The following RNASEH1 variants were observed in gnomAD, a reference collection of about 807,000 sequenced individuals.
RNASEH1 encodes ribonuclease H1.
Under a neutral mutation model 34.6 loss-of-function variants are expected in RNASEH1, and 27 were observed. The observed-to-expected ratio is 0.78, with a 90% CI of 0.58 to 1.08. The LOEUF is 1.08. RNASEH1 is among the 50% of genes least tolerant of loss of function. RNASEH1 has a pLI of 0.00. For missense variants in RNASEH1, 349 were observed against 373.6 expected (o/e 0.93, Z 0.54); for synonymous variants, 162 against 138.4 (o/e 1.17, Z -1.20).
Position 3,556,865 on chromosome 2 carries a change from G to C in RNASEH1, c.168C>G (p.Ala56=). 1 of 1,614,076 alleles carries C rather than the reference G, an allele frequency of 6.2e-7. No homozygotes were observed. Among genetic ancestry groups the C allele is most frequent in the Non-Finnish European group, 8.5e-7 (1 of 1,179,946 alleles). Residue 56 remains alanine (A), a synonymous_variant, in exon 2 of 8, where the codon GCC becomes GCG. Transcript: ENST00000315212. ...CCTCTGTGGCAAACTTCTTAAATCT[G>C]GCAGCAGGAAACCGGTCCACCTGTG... ...CRAQVDRFPA[A]RFKKFATEDE... is the part of the protein sequence containing the mutation.
chr2:3,548,184 G>T, intron 6 of RNASEH1, 129 bp from the exon 7 acceptor site: 1 of 1,139,894 alleles, frequency 8.8e-7, no homozygotes, highest in Non-Finnish European at 1.3e-6. Flanking sequence ...CACTTCCTTA[G>T]CTGGCCTTAG....
At chr2:3,557,992 A>C (rs1660703038) in intron 1 of RNASEH1, 141 bp downstream of exon 1, 3 of 1,488,224 alleles carry the variant, frequency 2.0e-6, no homozygotes, top group Non-Finnish European at 2.7e-6. Context: ...CAGGAAAACG[A>C]GGCGGTCCCC....
At position 3,545,699 on chromosome 2, in the gene RNASEH1, A is replaced by T; in HGVS notation, c.*86T>A. 1.2e-6 allele frequency: 1 copy of T among 863,136 alleles called. No homozygotes were observed. The highest frequency in any genetic ancestry group is 2.0e-6 in the Non-Finnish European group (1 of 497,322). The allele number at this position is 863,136 out of a possible 1,614,324, so 53.5% of individuals were successfully genotyped here. The stretch of plus-strand genomic sequence containing the variant: ...ATCTGCCCATCACTGCAATGGTCCT[A>T]CCTGCAGGCTATTTTCCACACCAGT... On this transcript the variant is annotated 3_prime_UTR_variant, in exon 8 of 8. Transcript: ENST00000315212.
chr2:3,557,291 G>C (rs1249122704), intron 1 of RNASEH1, among the ~76,000 whole-genome samples: 1 of 152,070 alleles, frequency 6.6e-6, no homozygotes, highest in African/African-American at 2.4e-5. Context: ...CAATTTTTGC[G>C]TGAAAAGGGC....
chr2:3,550,334 G>T, intron 4 of RNASEH1, 39 bp downstream of exon 4: 1 of 1,464,918 alleles, frequency 6.8e-7, no homozygotes, highest in South Asian at 1.1e-5. Flanking sequence ...CACAAGTTGT[G>T]GAACATGATT....
At chr2:3,546,878 T>C (rs1042713107) in intron 7 of RNASEH1, among the ~76,000 whole-genome samples, 3 of 152,138 alleles carry the variant, frequency 2.0e-5, no homozygotes, top group Non-Finnish European at 4.4e-5. Context: ...ATCCCAGCAC[T>C]TTGAGAGGCC....
chr2:3,551,601 A>AT (rs1293028549), intron 3 of RNASEH1, among the ~76,000 whole-genome samples: 1 of 152,240 alleles, frequency 6.6e-6, no homozygotes, highest in East Asian at 1.9e-4. Context: ...ACTGATTTAT[A>AT]TTTTTTAATG....
At chr2:3,547,809 TATG>T (rs1668901435) in intron 7 of RNASEH1, 119 bp downstream of exon 7, 14 of 973,538 alleles carry the variant, frequency 1.4e-5, no homozygotes, top group Middle Eastern at 3.3e-4. Flanking sequence ...TAATATACAT[TATG>T]ATATTAATAT....
Position 3,550,393 on chromosome 2 carries a change from G to T in RNASEH1, c.489C>A (p.Tyr163Ter), listed in dbSNP as rs1194958851. 1.2e-6 allele frequency: 2 copies of T among 1,613,900 alleles called. No individual in the cohort carries two copies. Among genetic ancestry groups the T allele is most frequent in the Non-Finnish European group, 8.5e-7 (1 of 1,179,826 alleles). Residue 163 changes from tyrosine (Y) to a stop codon, truncating the protein, a stop_gained, in exon 4 of 8, where the codon TAC (tyrosine) becomes TAA (stop). Transcript: ENST00000315212. LOFTEE classifies it high-confidence loss of function. ...RRRPRAGIGVYWGPGHPLNVG... is the reference protein window; with the variant it reads ...RRRPRAGIGV Reference sequence around the variant, plus strand: ...CTTACAAAGGATGGCCTGGCCCCCAGTAAACGCCGATTCCTGCTCGCGGCC... The same window carrying T: ...CTTACAAAGGATGGCCTGGCCCCCATTAAACGCCGATTCCTGCTCGCGGCC...
chr2:3,535,563 G>A, the RNASEH1 span, among the ~76,000 whole-genome samples: 1 of 152,174 alleles, frequency 6.6e-6, no homozygotes, highest in African/African-American at 2.4e-5. Context: ...AGCCCCTGAG[G>A]CAGGAGGTTC....
Position 3,542,536 on chromosome 2 carries a change from T to C in RNASEH1, c.*3249A>G, listed in dbSNP as rs539756926. 6.6e-5 allele frequency among the ~76,000 whole-genome samples: 10 copies of C among 152,338 alleles called. No homozygotes were observed. The highest frequency in any genetic ancestry group is 3.9e-4 in the East Asian group (2 of 5,186). ...ACTGTCCCCAAGATGACACTGACTA[T>C]AGACTGGTTATGAGACCTGAACACA... On this transcript the variant is annotated 3_prime_UTR_variant, in exon 8 of 8. Transcript: ENST00000315212.
intron 7 of RNASEH1, among the ~76,000 whole-genome samples, chr2:3,546,189 C>T (rs143593355): frequency 2.6e-5 from 4 of 152,242 alleles, no homozygotes; most frequent in East Asian, 1.9e-4. Context: ...GATGGGTGGA[C>T]GGATATGTAT....
the RNASEH1 span, among the ~76,000 whole-genome samples, chr2:3,532,646 A>C: frequency 6.6e-6 from 1 of 152,214 alleles, no homozygotes; most frequent in African/African-American, 2.4e-5. Context: ...TGTGTATCTA[A>C]GCATAGGAAA....
chr2:3,549,040 A>G lies in RNASEH1; in HGVS notation c.564+18T>C, dbSNP rs1226945477. On this transcript the variant is annotated intron_variant, in intron 5 of 7. Coordinates refer to ENST00000315212, the MANE Select transcript of RNASEH1 (RefSeq NM_002936.6). ...CAATGCTCAAAAAAGAGAGGCTTAAACGTATCTGATAACTTACATGAATTT... is the reference window on the plus strand; with the variant it reads ...CAATGCTCAAAAAAGAGAGGCTTAAGCGTATCTGATAACTTACATGAATTT... The G allele has an allele frequency of 6.2e-7, 1 of 1,603,134 alleles. No individual in the cohort carries two copies. Among genetic ancestry groups the G allele is most frequent in the South Asian group, 1.1e-5 (1 of 90,754 alleles).
At chr2:3,552,621 C>T (rs1198066997) in intron 2 of RNASEH1, among the ~76,000 whole-genome samples, 1 of 146,388 alleles carries the variant, frequency 6.8e-6, no homozygotes. Context: ...ACCTCCACCC[C>T]CTCCACAGCA....
chr2:3,552,497 T>TCTCCACCCCCTCCACGCCAC (rs1660053066), intron 2 of RNASEH1, among the ~76,000 whole-genome samples, 189 bp from the exon 3 acceptor site: 5 of 32,268 alleles, frequency 1.5e-4, no homozygotes, highest in Non-Finnish European at 2.3e-4. Context: ...CTCCACGCCA[T>TCTCCACCCCCTCCACGCCAC]CTCCACCCCC....
the RNASEH1 span, among the ~76,000 whole-genome samples, chr2:3,532,840 T>A: frequency 6.6e-6 from 1 of 152,056 alleles, no homozygotes; most frequent in Admixed American, 6.5e-5. Context: ...GCTGTAGAAA[T>A]CATATTTTCT....
intron 3 of RNASEH1, among the ~76,000 whole-genome samples, chr2:3,551,779 G>T (rs1475195723): frequency 6.6e-6 from 1 of 152,186 alleles, no homozygotes; most frequent in African/African-American, 2.4e-5. Flanking sequence ...GATTGAATAT[G>T]AAAGGTTAAA....
chr2:3,548,792 G>T, intron 5 of RNASEH1, 68 bp from the exon 6 acceptor site: 1 of 1,172,996 alleles, frequency 8.5e-7, no homozygotes, highest in Non-Finnish European at 1.3e-6. Context: ...AAGTTCAAAA[G>T]TACTTCGAAA....
Sources: allele counts gnomAD v4.1 joint callset (sites outside exome capture counted in the v4.1 genomes callset), GRCh38; gene constraint gnomAD v4.1.1; transcripts MANE v1.5; gene names NCBI Gene and HGNC (gene_info 2026-07-23, HGNC 2026-07-21).